Variants in LRP5 observed in about 807,000 individuals in gnomAD.
LRP5 encodes low-density lipoprotein receptor-related protein 5.
In LRP5, 62 loss-of-function variants were observed where a neutral mutation model predicts 154.1. The ratio of observed to expected loss-of-function variants is 0.40; its 90% CI spans 0.33 to 0.50. The LOEUF is 0.50. Among genes scored for constraint, LRP5 ranks in the 20% least tolerant of loss-of-function variants. LRP5 has a pLI of 0.55. For synonymous variants in LRP5, 966 were observed against 1,011.5 expected (o/e 0.96, Z 0.85); for missense variants, 1,915 against 2,336.7 (o/e 0.82, Z 3.72).
At chr11:68,402,428 G>A (rs1472560852) in intron 7 of LRP5, among the ~76,000 whole-genome samples, 1 of 152,202 alleles carries the variant, frequency 6.6e-6, no homozygotes, top group African/African-American at 2.4e-5. Context: ...AGAGGAGACA[G>A]GGTGGAAAGC....
At chr11:68,330,546 G>T (rs1292170098) in intron 1 of LRP5, among the ~76,000 whole-genome samples, 2 of 152,244 alleles carry the variant, frequency 1.3e-5, no homozygotes, top group Non-Finnish European at 2.9e-5. Context: ...GGCTCCATGG[G>T]GTTCTGGGTC....
chr11:68,390,713 C>CG (rs1173255886), intron 7 of LRP5, among the ~76,000 whole-genome samples: 3 of 69,244 alleles, frequency 4.3e-5, no homozygotes, highest in African/African-American at 1.8e-4. Context: ...CCGCTGTGGT[C>CG]GGGTTTCAGT....
chr11:68,312,277 G>A (rs2098588502), upstream of LRP5, among the ~76,000 whole-genome samples: 1 of 151,964 alleles, frequency 6.6e-6, no homozygotes, highest in Non-Finnish European at 1.5e-5. Context: ...GGGCAACCCC[G>A]CCCTGCTCCG....
rs2098662659 is a variant in LRP5, at chr11:68,416,546, G to C, written c.3027+19G>C. 6.2e-7 allele frequency: 1 copy of C among 1,613,070 alleles called. No individual in the cohort carries two copies. Among genetic ancestry groups the C allele is most frequent in the Non-Finnish European group, 8.5e-7 (1 of 1,179,466 alleles). On this transcript the variant is annotated intron_variant, in intron 13 of 22. Transcript: ENST00000294304. The stretch of plus-strand genomic sequence containing the variant: ...GACCCAGGCAGGTGCCCTGTGGGAA[G>C]GGTGCGGGGTGTGCTTCCCAAGGCG...
At chr11:68,341,668 C>T (rs1197815366) in intron 1 of LRP5, among the ~76,000 whole-genome samples, 1 of 152,132 alleles carries the variant, frequency 6.6e-6, no homozygotes, top group East Asian at 1.9e-4. Context: ...CACTCTGCTC[C>T]AGTGTGCTCC....
At chr11:68,403,432 T>C in intron 7 of LRP5, 51 bp from the exon 8 acceptor site, 1 of 1,557,800 alleles carries the variant, frequency 6.4e-7, no homozygotes, top group Non-Finnish European at 8.8e-7. Context: ...GGGTTGGCTC[T>C]CGTTGGTGTG....
Position 68,409,903 on chromosome 11 carries a change from C to A in LRP5, c.2092-11C>A. On this transcript the variant is annotated splice_polypyrimidine_tract_variant and intron_variant, in intron 9 of 22. Transcript: ENST00000294304. Reference sequence around the variant, plus strand: ...TAAAATGTGGCCCTTTTCCTCCTCACCTGCTGCCAGACCATCAGCCGCGCC... The same window carrying A: ...TAAAATGTGGCCCTTTTCCTCCTCAACTGCTGCCAGACCATCAGCCGCGCC... 3.1e-6 allele frequency: 5 copies of A among 1,608,396 alleles called. No individual in the cohort carries two copies. Among genetic ancestry groups the A allele is most frequent in the Non-Finnish European group, 4.3e-6 (5 of 1,175,156 alleles).
chr11:68,440,036 T>C, intron 21 of LRP5, 120 bp downstream of exon 21: 2 of 850,796 alleles, frequency 2.4e-6, no homozygotes, highest in Non-Finnish European at 3.5e-6. Context: ...CTCTGAGGCA[T>C]GCTTGCTTTC....
chr11:68,421,755 G>C (rs1349561852), intron 13 of LRP5, among the ~76,000 whole-genome samples: 1 of 145,532 alleles, frequency 6.9e-6, no homozygotes, highest in South Asian at 2.2e-4. Context: ...TGTGTATGGG[G>C]GAGGGAGGCA....
chr11:68,386,833 G>A lies in LRP5; in HGVS notation c.1412+121G>A. On this transcript the variant is annotated intron_variant, in intron 6 of 22. Transcript: ENST00000294304. The surrounding 1 kb of genome is among the most constrained non-coding windows in gnomAD (Gnocchi z 7.9). ...TGCATCAGAACCCGGAGGAGGGCTT[G>A]TTAAAACACCGGCAGCTGGGCCCCA... 1 of 1,198,358 alleles carries A rather than the reference G, an allele frequency of 8.3e-7. No homozygotes were observed. The highest frequency in any genetic ancestry group is 1.1e-6 in the Non-Finnish European group (1 of 876,602). 74.2% of individuals were successfully genotyped at this position (1,198,358 alleles called of 1,614,324 possible).
rs1160566112 is a variant in LRP5, at chr11:68,312,793, GC to G, written c.84del (p.Ala29ProfsTer54). ...LLLLALCGCP[A>X]PAAASPLLLF... ...GCTGCTGGCGCTGTGCGGCTGCCCG[GC>G]CCCCGCCGCGGGTAGGTGGGCGCAG... is the stretch of plus-strand genomic sequence containing the variant. On this transcript the variant is annotated frameshift_variant, in exon 1 of 23. Coordinates refer to ENST00000294304, the MANE Select transcript of LRP5 (RefSeq NM_002335.4). LOFTEE classifies it high-confidence loss of function. 5 of 1,077,450 alleles carry G rather than the reference GC, an allele frequency of 4.6e-6. No individual in the cohort carries two copies. Among genetic ancestry groups the G allele is most frequent in the Non-Finnish European group, 4.5e-6 (4 of 885,774 alleles). The allele number at this position is 1,077,450 out of a possible 1,614,324, so 66.7% of individuals were successfully genotyped here. A position where few individuals can be genotyped will look rare whatever the true frequency, so the allele number is the denominator to read the frequency against.
At chr11:68,343,187 T>C (rs1396736218) in intron 1 of LRP5, among the ~76,000 whole-genome samples, 3 of 152,088 alleles carry the variant, frequency 2.0e-5, no homozygotes, top group Non-Finnish European at 4.4e-5. Flanking sequence ...CCCACGGTGG[T>C]GGGGGCTCGC....
intron 21 of LRP5, among the ~76,000 whole-genome samples, chr11:68,440,658 C>T (rs1259015963): frequency 6.6e-6 from 1 of 152,194 alleles, no homozygotes; most frequent in Admixed American, 6.5e-5. Context: ...GTGAGTCCAG[C>T]CCCCTTCTGC....
intron 17 of LRP5, among the ~76,000 whole-genome samples, chr11:68,432,216 G>A (rs892996125): frequency 3.3e-5 from 5 of 152,184 alleles, no homozygotes; most frequent in African/African-American, 7.2e-5. Flanking sequence ...AGTCGAGGTC[G>A]GAGGCTTTGG....
chr11:68,438,674 C>G lies in LRP5; in HGVS notation c.4340C>G (p.Pro1447Arg), dbSNP rs746960230. ...FIAPGGSQHG[P>R]FTGIACGKSM... Reference sequence around the variant, plus strand: ...GCCCCGGGCGGTTCCCAGCATGGCCCCTTCACAGGTAAGGAGCCTGAGATA... The same window carrying G: ...GCCCCGGGCGGTTCCCAGCATGGCCGCTTCACAGGTAAGGAGCCTGAGATA... Residue 1447 changes from proline to arginine, a missense_variant, in exon 20 of 23, where the codon CCC (proline) becomes CGC (arginine). Coordinates refer to ENST00000294304, the MANE Select transcript of LRP5 (RefSeq NM_002335.4). The G allele has an allele frequency of 6.2e-7, 1 of 1,612,234 alleles. No homozygotes were observed. The highest frequency in any genetic ancestry group is 1.1e-5 in the South Asian group (1 of 91,060).
At chr11:68,352,718 G>A (rs1213247125) in intron 2 of LRP5, among the ~76,000 whole-genome samples, 2 of 149,632 alleles carry the variant, frequency 1.3e-5, no homozygotes, top group African/African-American at 2.5e-5. Flanking sequence ...TATTTGATTG[G>A]GAGGTGCTTG....
chr11:68,427,965 ATTTTATTTTT>A (rs760023164), intron 16 of LRP5, among the ~76,000 whole-genome samples: 3,458 of 120,276 alleles, frequency 0.029, 47 homozygotes, highest in Middle Eastern at 0.07. Context: ...ATTTTATTTT[ATTTTATTTTT>A]TTTATTTATT....
chr11:68,395,119 G>A (rs2098648520), intron 7 of LRP5, among the ~76,000 whole-genome samples: 1 of 152,058 alleles, frequency 6.6e-6, no homozygotes. Context: ...TGGCCAACAT[G>A]GTGAGACCCC....
intron 17 of LRP5, 128 bp downstream of exon 17, chr11:68,429,828 T>C (rs1375333004): frequency 8.0e-7 from 1 of 1,250,784 alleles, no homozygotes; most frequent in Non-Finnish European, 1.2e-6. Context: ...GCTGATTGTG[T>C]CTTCCTTTGC....
Sources: allele counts gnomAD v4.1 joint callset (sites outside exome capture counted in the v4.1 genomes callset), GRCh38; gene constraint gnomAD v4.1.1; non-coding constraint Gnocchi (gnomAD v3.1); transcripts MANE v1.5; gene names NCBI Gene and HGNC (gene_info 2026-07-23, HGNC 2026-07-21).